MMP26: variants seen among roughly 807,000 people sequenced by gnomAD.
MMP26 encodes matrix metallopeptidase 26.
In MMP26, 33 loss-of-function variants were observed where a neutral mutation model predicts 31.0. That is an observed-to-expected ratio of 1.06 (90% CI 0.81 to 1.42). The LOEUF is 1.42. Among genes scored for constraint, MMP26 ranks in the 40% most tolerant of loss-of-function variants. The pLI is 0.00. For missense variants in MMP26, 347 were observed against 316.1 expected, an observed-to-expected ratio of 1.10 and a Z score of -0.74; for synonymous variants, 122 against 114.9, an observed-to-expected ratio of 1.06 and a Z score of -0.40.
intron 2 of MMP26, among the ~76,000 whole-genome samples, chr11:4,829,127 T>C (rs1404882923): frequency 6.6e-6 from 1 of 152,190 alleles, no homozygotes; most frequent in African/African-American, 2.4e-5. Flanking sequence ...TCTACTGGCA[T>C]GATCTTGCAG....
At chr11:4,936,236 T>G (rs966944744) in intron 2 of MMP26, among the ~76,000 whole-genome samples, 54 of 150,416 alleles carry the variant, frequency 3.6e-4, no homozygotes, top group Middle Eastern at 3.4e-3. Flanking sequence ...AAACTATTGA[T>G]TATTGCCACA....
At position 4,813,382 on chromosome 11, in the gene MMP26, C is replaced by CTATT. The variant is rs202034651; in HGVS notation, c.-145+46059_-145+46062dup. 5.1e-3 allele frequency among the ~76,000 whole-genome samples: 780 copies of CTATT among 151,708 alleles called. 5 individuals carry two copies. Among genetic ancestry groups the CTATT allele is most frequent in the Middle Eastern group, 0.01 (3 of 294 alleles). ...TTGATTTTCCTTTTTTCCTTTCTTT[C>CTATT]TATTTATTTATTTATTTATTTTTTA... On this transcript the variant is annotated intron_variant, in intron 2 of 7. Transcript: ENST00000380390.
chr11:4,839,124 C>T (rs181895463), intron 2 of MMP26, among the ~76,000 whole-genome samples: 8 of 152,112 alleles, frequency 5.3e-5, no homozygotes, highest in African/African-American at 1.4e-4. Flanking sequence ...TGATGCTCAC[C>T]CATGGAGGGA....
At chr11:4,848,323 G>A in intron 2 of MMP26, 5 of 1,613,984 alleles carry the variant, frequency 3.1e-6, no homozygotes, top group Non-Finnish European at 4.2e-6. Flanking sequence ...TAGAGAATAG[G>A]GTTTATCAAT....
intron 2 of MMP26, among the ~76,000 whole-genome samples, chr11:4,870,344 G>C (rs1469080216): frequency 2.6e-5 from 4 of 152,026 alleles, no homozygotes; most frequent in African/African-American, 7.2e-5. Context: ...AATAAATAAT[G>C]ACACTCAATT....
At chr11:4,727,215 G>C (rs1848112497) in intron 1 of MMP26, among the ~76,000 whole-genome samples, 1 of 152,038 alleles carries the variant, frequency 6.6e-6, no homozygotes, top group Non-Finnish European at 1.5e-5. Flanking sequence ...AACTCCATTT[G>C]CTTTAAAGGT....
chr11:4,905,320 T>G (rs1850867014), intron 2 of MMP26, among the ~76,000 whole-genome samples: 1 of 152,186 alleles, frequency 6.6e-6, no homozygotes, highest in Non-Finnish European at 1.5e-5. Context: ...CTTTTCCATG[T>G]AGAAGATGCA....
At chr11:4,801,538 T>G (rs398088926) in intron 2 of MMP26, among the ~76,000 whole-genome samples, 28 of 148,884 alleles carry the variant, frequency 1.9e-4, no homozygotes, top group Admixed American at 1.8e-3. Flanking sequence ...ATTTATTTAT[T>G]TATTTATTTA....
intron 2 of MMP26, among the ~76,000 whole-genome samples, chr11:4,791,333 C>G (rs1248226072): frequency 6.6e-6 from 1 of 152,160 alleles, no homozygotes; most frequent in Non-Finnish European, 1.5e-5. Flanking sequence ...TGATTGACAT[C>G]TTATCCAAGT....
At chr11:4,731,311 C>T (rs144221612) in intron 1 of MMP26, among the ~76,000 whole-genome samples, 270 of 152,316 alleles carry the variant, frequency 1.8e-3, no homozygotes, top group South Asian at 0.01. Context: ...CCACCACTCC[C>T]AACACACACA....
At chr11:4,943,254 G>A in intron 2 of MMP26, 1 of 188,288 alleles carries the variant, frequency 5.3e-6, no homozygotes, top group South Asian at 9.3e-5. Context: ...TTGCCTTTTG[G>A]TAAGGTTTAC....
chr11:4,839,010 C>T (rs754409857), intron 2 of MMP26, among the ~76,000 whole-genome samples: 10 of 152,122 alleles, frequency 6.6e-5, no homozygotes, highest in Non-Finnish European at 1.5e-4. Flanking sequence ...AGAGCAGACA[C>T]ACTGGTGTCA....
chr11:4,728,173 G>T (rs1179680361), intron 1 of MMP26, among the ~76,000 whole-genome samples: 1 of 152,172 alleles, frequency 6.6e-6, no homozygotes, highest in Non-Finnish European at 1.5e-5. Context: ...TTTTCACATG[G>T]CATGAAAAAT....
intron 2 of MMP26, among the ~76,000 whole-genome samples, chr11:4,969,841 A>G (rs763510278): frequency 1.6e-4 from 25 of 152,184 alleles, no homozygotes; most frequent in African/African-American, 2.2e-4. Context: ...ACGTTATTAA[A>G]CTAGGCTCAC....
chr11:4,711,824 G>C (rs568072241), intron 1 of MMP26: 6 of 152,126 alleles, frequency 3.9e-5, no homozygotes, highest in African/African-American at 7.2e-5. Flanking sequence ...ACACTTTTCT[G>C]GGGTCTATCC....
intron 1 of MMP26, among the ~76,000 whole-genome samples, chr11:4,743,622 C>G (rs1349701678): frequency 6.6e-6 from 1 of 152,148 alleles, no homozygotes; most frequent in Non-Finnish European, 1.5e-5. Context: ...TAATTAAAAA[C>G]TTAAACCCTA....
intron 2 of MMP26, among the ~76,000 whole-genome samples, chr11:4,897,666 T>C (rs1850730363): frequency 6.8e-6 from 1 of 147,992 alleles, no homozygotes; most frequent in South Asian, 2.1e-4. Context: ...CTTGTTTGTA[T>C]TTTTTTTTTC....
At chr11:4,931,074 A>G (rs1452807257) in intron 2 of MMP26, among the ~76,000 whole-genome samples, 1 of 151,654 alleles carries the variant, frequency 6.6e-6, no homozygotes, top group African/African-American at 2.4e-5. Context: ...TATATTTGCA[A>G]GAGAGGAAGA....
intron 2 of MMP26, among the ~76,000 whole-genome samples, chr11:4,772,050 T>C (rs951356407): frequency 6.6e-6 from 1 of 152,144 alleles, no homozygotes. Flanking sequence ...CCATGGACTT[T>C]ATAGTAAGGT....
Sources: allele counts gnomAD v4.1 joint callset (sites outside exome capture counted in the v4.1 genomes callset), GRCh38; gene constraint gnomAD v4.1.1; transcripts MANE v1.5; gene names NCBI Gene and HGNC (gene_info 2026-07-23, HGNC 2026-07-21).